Variants in FGF14 observed in about 807,000 individuals in gnomAD.
The protein encoded by FGF14 is fibroblast growth factor homologous factor 4.
In FGF14, 5 loss-of-function variants were observed where a neutral mutation model predicts 25.5. That is an observed-to-expected ratio of 0.20 (90% CI 0.10 to 0.41). The LOEUF is 0.41. Ranked by LOEUF, FGF14 falls within the 10% of genes least tolerant of loss-of-function variation. The pLI, the probability that FGF14 is intolerant of heterozygous loss-of-function variation, is 1.00. For synonymous variants in FGF14, 138 were observed against 118.3 expected (o/e 1.17, Z -1.08); for missense variants, 222 against 320.1 (o/e 0.69, Z 2.34).
intron 1 of FGF14, among the ~76,000 whole-genome samples, chr13:102,285,391 G>A (rs550597632): frequency 7.2e-5 from 11 of 152,232 alleles, no homozygotes; most frequent in African/African-American, 2.2e-4. Context: ...GTTTACATCC[G>A]TGAATTTCAG....
At chr13:101,952,231 G>A (rs1441933821) in intron 1 of FGF14, among the ~76,000 whole-genome samples, 1 of 152,020 alleles carries the variant, frequency 6.6e-6, no homozygotes, top group Non-Finnish European at 1.5e-5. Context: ...AGTAGGTCTT[G>A]GAAAGGATTC....
At position 102,312,900 on chromosome 13, in the gene FGF14, A is replaced by T. The variant is rs541773593; in HGVS notation, c.208+88571T>A. 2.0e-4 allele frequency among the ~76,000 whole-genome samples: 31 copies of T among 152,318 alleles called. No individual in the cohort carries two copies. The South Asian group carries it at 6.4e-3, about 32-fold the overall frequency. The stretch of plus-strand genomic sequence containing the variant: ...GTCCACAGCCCCAGATATCCCTTTC[A>T]GTCCAGAGCTCGGCAGGTACATCAC... On this transcript the variant is annotated intron_variant, in intron 1 of 4. Coordinates refer to the FGF14 transcript ENST00000376131.
intron 1 of FGF14, among the ~76,000 whole-genome samples, chr13:101,904,430 A>C (rs1214316427): frequency 6.6e-6 from 1 of 152,240 alleles, no homozygotes; most frequent in Non-Finnish European, 1.5e-5. Flanking sequence ...AGAAAATTTA[A>C]AAAAGAGAAG....
intron 1 of FGF14, among the ~76,000 whole-genome samples, chr13:102,153,951 C>T (rs1259550552): frequency 6.6e-6 from 1 of 152,146 alleles, no homozygotes; most frequent in African/African-American, 2.4e-5. Context: ...AGGCATTGTT[C>T]TTCTCTCTAT....
At chr13:102,043,110 A>T (rs1159427319) in intron 1 of FGF14, among the ~76,000 whole-genome samples, 1 of 152,236 alleles carries the variant, frequency 6.6e-6, no homozygotes, top group Non-Finnish European at 1.5e-5. Context: ...GATCATAAAA[A>T]GAAATAATTA....
intron 1 of FGF14, among the ~76,000 whole-genome samples, chr13:102,040,776 T>C (rs2041695180): frequency 1.3e-5 from 2 of 152,126 alleles, no homozygotes; most frequent in Admixed American, 6.6e-5. Context: ...AATTTGGGGG[T>C]ACCTGGGAAA....
intron 1 of FGF14, among the ~76,000 whole-genome samples, chr13:102,079,748 A>T (rs1399796232): frequency 1.3e-5 from 2 of 152,186 alleles, no homozygotes; most frequent in Non-Finnish European, 1.5e-5. Context: ...CTACATATAC[A>T]CACATACATA....
intron 1 of FGF14, among the ~76,000 whole-genome samples, chr13:101,952,877 A>G (rs942305259): frequency 4.0e-5 from 6 of 151,856 alleles, no homozygotes; most frequent in African/African-American, 1.5e-4. Flanking sequence ...CTAAAAATAC[A>G]AAAAAAATTA....
chr13:101,744,740 C>T (rs577133941), intron 3 of FGF14, among the ~76,000 whole-genome samples: 8 of 152,046 alleles, frequency 5.3e-5, no homozygotes, highest in African/African-American at 9.6e-5. Context: ...CAAAAACAAA[C>T]GTGTCATTTT....
intron 1 of FGF14, among the ~76,000 whole-genome samples, chr13:102,374,549 C>A (rs1410706937): frequency 2.0e-5 from 3 of 149,768 alleles, no homozygotes; most frequent in African/African-American, 7.4e-5. Flanking sequence ...AAAGTCCATA[C>A]CTTATTCACT....
At chr13:101,905,427 T>G (rs1566410603) in intron 1 of FGF14, among the ~76,000 whole-genome samples, 6 of 152,086 alleles carry the variant, frequency 3.9e-5, no homozygotes, top group East Asian at 1.9e-4. Flanking sequence ...CTGGAAACCA[T>G]CATTCTCAGC....
chr13:102,045,707 A>G (rs2041951679), intron 1 of FGF14, among the ~76,000 whole-genome samples: 1 of 152,184 alleles, frequency 6.6e-6, no homozygotes, highest in South Asian at 2.1e-4. Context: ...ATGTGTAATT[A>G]TCTACATCTC....
chr13:101,792,054 A>C (rs966681932), intron 3 of FGF14, among the ~76,000 whole-genome samples: 4 of 152,190 alleles, frequency 2.6e-5, no homozygotes, highest in Non-Finnish European at 4.4e-5. Flanking sequence ...ATGTAAATCT[A>C]AATGATTACA....
Position 101,714,250 on chromosome 13 carries a change from CTTTCCTGGG to C in FGF14, c.*8572_*8580del, listed in dbSNP as rs2034612496. On this transcript the variant is annotated 3_prime_UTR_variant, in exon 5 of 5. Coordinates refer to ENST00000376143, the MANE Select transcript of FGF14 (RefSeq NM_004115.4). ...CAACTGTCTAGATCCATAATGAAGGCTTTCCTGGGTGACCTTTATGAATTACAGTAAGTA... is the reference window on the plus strand; with the variant it reads ...CAACTGTCTAGATCCATAATGAAGGCTGACCTTTATGAATTACAGTAAGTA... 17 of 591,626 alleles carry C rather than the reference CTTTCCTGGG, an allele frequency of 2.9e-5. No individual in the cohort carries two copies. In the South Asian group the frequency reaches 3.3e-4, roughly 12 times the overall value. 36.6% of individuals were successfully genotyped at this position (591,626 alleles called of 1,614,324 possible).
chr13:102,051,645 C>A (rs1044469075), intron 1 of FGF14, among the ~76,000 whole-genome samples: 5 of 152,184 alleles, frequency 3.3e-5, no homozygotes, highest in African/African-American at 7.2e-5. Flanking sequence ...GCAACATTTG[C>A]CAACTCTGAC....
rs554456524 is a variant in FGF14, at chr13:101,836,025, T to A, written c.408+32700A>T. Among the ~76,000 whole-genome samples the A allele has an allele frequency of 5.2e-4, 79 of 152,102 alleles. 1 individual carries two copies. The highest frequency in any genetic ancestry group is 1.8e-3 in the African/African-American group (76 of 41,528). ...CATAGACCAGATGCAGAATCCATAATAGTGATAAGCAGCAGAATAGTGACC... is the reference window on the plus strand; with the variant it reads ...CATAGACCAGATGCAGAATCCATAAAAGTGATAAGCAGCAGAATAGTGACC... On this transcript the variant is annotated intron_variant, in intron 3 of 4. Coordinates refer to ENST00000376143, the MANE Select transcript of FGF14 (RefSeq NM_004115.4).
chr13:102,231,402 T>C (rs1042798997), intron 1 of FGF14, among the ~76,000 whole-genome samples: 1 of 152,124 alleles, frequency 6.6e-6, no homozygotes, highest in African/African-American at 2.4e-5. Context: ...AGGAGGTGAG[T>C]TGGCTACAAG....
In FGF14 at chr13:101,846,998, T is replaced by A. The variant is rs560474233; in HGVS notation, c.408+21727A>T. On this transcript the variant is annotated intron_variant, in intron 3 of 4. Transcript: ENST00000376143. ...AAGCGGGTCCTCGATAAATTCCTCA[T>A]CCTTTCTAACCCTCAGATTTTTCAT... 2.0e-5 allele frequency among the ~76,000 whole-genome samples: 3 copies of A among 152,186 alleles called. No homozygotes were observed. The South Asian group carries it at 6.2e-4, about 31-fold the overall frequency.
At chr13:101,930,851 G>A (rs1325429611) in intron 1 of FGF14, among the ~76,000 whole-genome samples, 2 of 152,144 alleles carry the variant, frequency 1.3e-5, no homozygotes, top group African/African-American at 2.4e-5. Context: ...AGTAGGAAGG[G>A]GACTTACAAT....
Sources: allele counts gnomAD v4.1 joint callset (sites outside exome capture counted in the v4.1 genomes callset), GRCh38; gene constraint gnomAD v4.1.1; transcripts MANE v1.5; gene names NCBI Gene and HGNC (gene_info 2026-07-23, HGNC 2026-07-21).